The following RNF130 variants were observed in gnomAD, a reference collection of about 807,000 sequenced individuals.
RNF130 encodes ring finger protein 130.
In RNF130, 21 loss-of-function variants were observed where a neutral mutation model predicts 44.6. The observed-to-expected ratio is 0.47, with a 90% CI of 0.33 to 0.68. The LOEUF is 0.68. Ranked by LOEUF, RNF130 falls within the 30% of genes least tolerant of loss-of-function variation. RNF130 has a pLI of 0.02. For missense variants in RNF130, 479 were observed against 560.6 expected, an observed-to-expected ratio of 0.85 and a Z score of 1.47; for synonymous variants, 214 against 210.4, an observed-to-expected ratio of 1.02 and a Z score of -0.15.
At chr5:180,061,366 C>CAT (rs1764981189) in intron 1 of RNF130, among the ~76,000 whole-genome samples, 3 of 152,204 alleles carry the variant, frequency 2.0e-5, no homozygotes, top group African/African-American at 7.2e-5. Context: ...GCTAACCCTG[C>CAT]ATGCCTGTGT....
intron 2 of RNF130, among the ~76,000 whole-genome samples, chr5:180,030,763 G>C (rs1764115165): frequency 6.6e-6 from 1 of 152,180 alleles, no homozygotes; most frequent in Non-Finnish European, 1.5e-5. Flanking sequence ...GACTTTCTTA[G>C]ACATTTCATA....
At chr5:179,937,929 T>A (rs199999821) in intron 7 of RNF130, among the ~76,000 whole-genome samples, 1,356 of 134,304 alleles carry the variant, frequency 0.01, 19 homozygotes, top group African/African-American at 0.038. Flanking sequence ...TGTGTGTGTG[T>A]GTGTGAGAGA....
chr5:179,983,333 CTTTTTTTTTT>C (rs35802224), intron 3 of RNF130, among the ~76,000 whole-genome samples: 1 of 108,400 alleles, frequency 9.2e-6, no homozygotes, highest in Non-Finnish European at 1.9e-5. Context: ...TACAGATGAA[CTTTTTTTTTT>C]TTTTTTTTTT....
intron 3 of RNF130, among the ~76,000 whole-genome samples, chr5:180,012,749 C>A (rs1208703566): frequency 1.3e-5 from 2 of 152,126 alleles, no homozygotes; most frequent in African/African-American, 4.8e-5. Flanking sequence ...GCAGAAACAT[C>A]CAAAGTTACT....
At chr5:179,960,551 A>G (rs1283383891) in intron 8 of RNF130, among the ~76,000 whole-genome samples, 2 of 152,206 alleles carry the variant, frequency 1.3e-5, no homozygotes, top group African/African-American at 4.8e-5. Flanking sequence ...CAACCCACCC[A>G]TGACAGGGGG....
chr5:179,969,212 A>G (rs1000858208), intron 6 of RNF130, among the ~76,000 whole-genome samples: 1 of 152,062 alleles, frequency 6.6e-6, no homozygotes, highest in Admixed American at 6.5e-5. Context: ...AGCAAGGGCT[A>G]ACGAAGGTCC....
chr5:179,973,633 C>T lies in RNF130; in HGVS notation c.849-3127G>A, dbSNP rs572892093. ...ACCTGGCCATTCCCGCACGCCTGAC[C>T]GCGCTCACCCTCACTATGGCTCTGG... is the stretch of plus-strand genomic sequence containing the variant. On this transcript the variant is annotated intron_variant, in intron 5 of 8. Coordinates refer to ENST00000521389, the MANE Select transcript of RNF130 (RefSeq NM_018434.6). 3.1e-3 allele frequency among the ~76,000 whole-genome samples: 471 copies of T among 152,302 alleles called. 1 individual carries two copies. The highest frequency in any genetic ancestry group is 2.5e-3 in the African/African-American group (105 of 41,564).
At chr5:179,943,911 A>C (rs1761998410) in intron 7 of RNF130, among the ~76,000 whole-genome samples, 1 of 152,216 alleles carries the variant, frequency 6.6e-6, no homozygotes, top group African/African-American at 2.4e-5. Context: ...ATTAAAATTA[A>C]AAACTTCTCA....
At chr5:180,063,675 T>C (rs1765037610) in intron 1 of RNF130, among the ~76,000 whole-genome samples, 1 of 152,142 alleles carries the variant, frequency 6.6e-6, no homozygotes, top group African/African-American at 2.4e-5. Flanking sequence ...CAAGAAAATA[T>C]TTTTGGATTA....
At chr5:180,002,420 T>C (rs1763364450) in intron 3 of RNF130, among the ~76,000 whole-genome samples, 1 of 152,086 alleles carries the variant, frequency 6.6e-6, no homozygotes, top group Non-Finnish European at 1.5e-5. Context: ...CCATGACTAC[T>C]CACCCCTGGA....
rs1407940805 is a variant in RNF130, at chr5:179,970,581, AT to A, written c.849-76del. ...TTAGGCCAAAATGGAAAGAAAGGGA[AT>A]TTTTAGTTAAGTTTTCTTTTCCCCC... On this transcript the variant is annotated intron_variant, in intron 5 of 8. Transcript: ENST00000521389. 2.6e-6 allele frequency: 3 copies of A among 1,138,152 alleles called. No individual in the cohort carries two copies. The Admixed American group carries it at 6.8e-5, about 26-fold the overall frequency. The allele number at this position is 1,138,152 out of a possible 1,614,324, so 70.5% of individuals were successfully genotyped here. A position where few individuals can be genotyped will look rare whatever the true frequency, so the allele number is the denominator to read the frequency against.
intron 1 of RNF130, among the ~76,000 whole-genome samples, chr5:180,069,256 T>C (rs894765859): frequency 1.3e-5 from 2 of 152,146 alleles, no homozygotes; most frequent in African/African-American, 4.8e-5. Flanking sequence ...TTTAAATCTG[T>C]TTTGTTCACT....
chr5:179,920,795 A>ATT (rs71959214), intron 7 of RNF130, among the ~76,000 whole-genome samples: 10,640 of 143,270 alleles, frequency 0.074, 415 homozygotes, highest in African/African-American at 0.11. Context: ...ATATATATAT[A>ATT]TTTTTTTTTT....
intron 3 of RNF130, among the ~76,000 whole-genome samples, chr5:179,994,319 C>T (rs1195743631): frequency 1.3e-5 from 2 of 152,154 alleles, no homozygotes; most frequent in Non-Finnish European, 2.9e-5. Context: ...GCCATTTTCA[C>T]AATATTGATT....
At chr5:180,067,571 T>C (rs1355404642) in intron 1 of RNF130, among the ~76,000 whole-genome samples, 1 of 152,058 alleles carries the variant, frequency 6.6e-6, no homozygotes, top group African/African-American at 2.4e-5. Context: ...GAAATCATCA[T>C]TCAAATGTGA....
chr5:179,986,858 T>C (rs1337207865), intron 3 of RNF130, among the ~76,000 whole-genome samples: 2 of 152,236 alleles, frequency 1.3e-5, no homozygotes, highest in Admixed American at 1.3e-4. Context: ...CTTTCATCAG[T>C]ATTTGAGAAT....
chr5:180,058,497 T>G (rs887460882), intron 1 of RNF130, among the ~76,000 whole-genome samples: 2 of 151,898 alleles, frequency 1.3e-5, no homozygotes, highest in Admixed American at 1.3e-4. Flanking sequence ...GAAAGTAGAG[T>G]GGTGTTCGCA....
rs185365719 is a variant in RNF130 at position 180,038,423 on chromosome 5, A to C, written c.442+2030T>G. On this transcript the variant is annotated intron_variant, in intron 2 of 8. Coordinates refer to ENST00000521389, the MANE Select transcript of RNF130 (RefSeq NM_018434.6). ...AAAAGCCTGTTTTGTTTTTTTTTTTATTTTGATTAACCTAGTATTTCCCAA... is the reference window on the plus strand; with the variant it reads ...AAAAGCCTGTTTTGTTTTTTTTTTTCTTTTGATTAACCTAGTATTTCCCAA... Among the ~76,000 whole-genome samples the C allele has an allele frequency of 1.5e-3, 198 of 130,808 alleles. 1 individual carries two copies. Among genetic ancestry groups the C allele is most frequent in the Non-Finnish European group, 2.6e-3 (159 of 60,120 alleles). The allele number at this position is 130,808 out of a possible 152,430, so 85.8% of individuals were successfully genotyped here. A position where few individuals can be genotyped will look rare whatever the true frequency, so the allele number is the denominator to read the frequency against.
At chr5:180,009,050 G>A (rs916832028) in intron 3 of RNF130, among the ~76,000 whole-genome samples, 1 of 152,146 alleles carries the variant, frequency 6.6e-6, no homozygotes, top group African/African-American at 2.4e-5. Flanking sequence ...CCTTAAAGAA[G>A]TGCTGAGAGA....
Sources: allele counts gnomAD v4.1 joint callset (sites outside exome capture counted in the v4.1 genomes callset), GRCh38; gene constraint gnomAD v4.1.1; transcripts MANE v1.5; gene names NCBI Gene and HGNC (gene_info 2026-07-23, HGNC 2026-07-21).